The following PSD3 variants were observed in gnomAD, a reference collection of about 807,000 sequenced individuals.
PSD3 encodes pleckstrin and Sec7 domain containing 3, also known as PH and SEC7 domain-containing protein 3.
Under a neutral mutation model 105.5 loss-of-function variants are expected in PSD3, and 49 were observed. The ratio of observed to expected loss-of-function variants is 0.46; its 90% CI spans 0.37 to 0.59. The LOEUF is 0.59. PSD3 is among the 20% of genes least tolerant of loss of function. The probability of loss-of-function intolerance (pLI) is 0.00; values close to 1 mark genes in which losing one functional copy is unlikely to be tolerated. For synonymous variants in PSD3, 557 were observed against 457.8 expected, an observed-to-expected ratio of 1.22 and a Z score of -2.77; for missense variants, 1,561 against 1,263.8, an observed-to-expected ratio of 1.24 and a Z score of -3.57.
intron 10 of PSD3, among the ~76,000 whole-genome samples, chr8:18,652,749 C>A (rs1015514965): frequency 6.6e-6 from 1 of 152,076 alleles, no homozygotes; most frequent in South Asian, 2.1e-4. Context: ...CCAGGCTCCT[C>A]AGCCTCCCAA....
chr8:18,651,004 C>T (rs986419760), intron 10 of PSD3, among the ~76,000 whole-genome samples: 2 of 152,144 alleles, frequency 1.3e-5, no homozygotes, highest in African/African-American at 4.8e-5. Flanking sequence ...CTTAATTTTC[C>T]TCATATATAA....
intron 1 of PSD3, among the ~76,000 whole-genome samples, chr8:18,982,661 G>A (rs1825300033): frequency 6.6e-6 from 1 of 152,218 alleles, no homozygotes; most frequent in Non-Finnish European, 1.5e-5. Context: ...GCTCTTGGGT[G>A]ACTAGGTGCA....
intron 1 of PSD3, among the ~76,000 whole-genome samples, chr8:18,941,718 G>A (rs1442531565): frequency 7.0e-6 from 1 of 142,962 alleles, no homozygotes; most frequent in Non-Finnish European, 1.5e-5. Context: ...TGTCACCCAG[G>A]CTGGAGTGCA....
intron 2 of PSD3, among the ~76,000 whole-genome samples, chr8:18,879,080 A>ACACG (rs1447346488): frequency 1.4e-5 from 2 of 148,036 alleles, no homozygotes; most frequent in African/African-American, 5.0e-5. Flanking sequence ...ACACACACAC[A>ACACG]CACACACGCA....
At chr8:18,693,984 A>T (rs1322678012) in intron 9 of PSD3, among the ~76,000 whole-genome samples, 1 of 152,202 alleles carries the variant, frequency 6.6e-6, no homozygotes, top group African/African-American at 2.4e-5. Flanking sequence ...GGGTAGTAAC[A>T]CTGGACCCTG....
rs1403148605 is a variant in PSD3, at chr8:18,828,065, A to ATT, written c.1635-23168_1635-23167insAA. ...TATATATGTATATATATATATATATATATTTTTTTTTTTTTACAAAAAAAA... is the reference window on the plus strand; with the variant it reads ...TATATATGTATATATATATATATATATTTATTTTTTTTTTTTTACAAAAAAAA... On this transcript the variant is annotated intron_variant, in intron 4 of 15. Transcript: ENST00000327040. Among the ~76,000 whole-genome samples the ATT allele has an allele frequency of 5.2e-4, 54 of 104,618 alleles. 1 individual carries two copies. Among genetic ancestry groups the ATT allele is most frequent in the Admixed American group, 3.9e-3 (34 of 8,694 alleles). 68.6% of individuals were successfully genotyped at this position (104,618 alleles called of 152,430 possible). A position where few individuals can be genotyped will look rare whatever the true frequency, so the allele number is the denominator to read the frequency against.
At chr8:18,630,129 C>G (rs1047383374) in intron 11 of PSD3, among the ~76,000 whole-genome samples, 2 of 151,758 alleles carry the variant, frequency 1.3e-5, no homozygotes, top group African/African-American at 4.8e-5. Context: ...GAGGCAGGAA[C>G]AGAGATAGAA....
chr8:18,933,040 C>T (rs565749822), intron 2 of PSD3, among the ~76,000 whole-genome samples: 31 of 152,320 alleles, frequency 2.0e-4, no homozygotes, highest in African/African-American at 7.2e-4. Context: ...ACCATGTCTT[C>T]CACGTCTTTG....
chr8:18,801,382 C>T lies in PSD3; in HGVS notation c.1911G>A (p.Arg637=). The T allele has an allele frequency of 1.9e-6, 3 of 1,557,000 alleles. No homozygotes were observed. Among genetic ancestry groups the T allele is most frequent in the African/African-American group, 1.4e-5 (1 of 73,022 alleles). Residue 637 remains arginine, a splice_region_variant and synonymous_variant, in exon 7 of 16, where the codon AGG becomes AGA. Transcript: ENST00000327040. ...FTGMTLDQSL[R]YFFKAFSLVG... ...CAAGAGAGAATGCTTTAAAGAAATA[C>T]CTACAAGAGAATTAAAAATTTAAAC...
intron 9 of PSD3, among the ~76,000 whole-genome samples, chr8:18,741,452 G>A (rs1403837738): frequency 1.3e-5 from 2 of 152,164 alleles, no homozygotes; most frequent in Non-Finnish European, 2.9e-5. Flanking sequence ...GTCCATGGGA[G>A]TAGCTTATAT....
chr8:18,809,938 A>G (rs1811552855), intron 4 of PSD3, among the ~76,000 whole-genome samples: 1 of 152,192 alleles, frequency 6.6e-6, no homozygotes, highest in South Asian at 2.1e-4. Flanking sequence ...TACCACCACA[A>G]ATGTGATAAT....
chr8:18,993,425 C>T (rs1340812614), intron 1 of PSD3, among the ~76,000 whole-genome samples: 1 of 149,544 alleles, frequency 6.7e-6, no homozygotes, highest in African/African-American at 2.4e-5. Context: ...TATAGTGGCA[C>T]TGTTTCTGGC....
intron 8 of PSD3, among the ~76,000 whole-genome samples, chr8:18,777,389 TTTAAA>T (rs1177652828): frequency 1.3e-5 from 2 of 152,196 alleles, no homozygotes; most frequent in Non-Finnish European, 2.9e-5. Flanking sequence ...CTGTTGACCT[TTTAAA>T]TTGTTTCTTA....
At chr8:18,734,949 G>T (rs866212855) in intron 9 of PSD3, among the ~76,000 whole-genome samples, 4 of 152,142 alleles carry the variant, frequency 2.6e-5, no homozygotes, top group Non-Finnish European at 4.4e-5. Context: ...AAATTCTACT[G>T]TTAAAGGGAA....
chr8:18,685,199 A>G (rs17695799), intron 9 of PSD3, among the ~76,000 whole-genome samples: 2,497 of 152,290 alleles, frequency 0.016, 55 homozygotes, highest in African/African-American at 0.041. Context: ...CCAATGTTCA[A>G]ATTTTGCAAC....
intron 9 of PSD3, among the ~76,000 whole-genome samples, chr8:18,672,697 T>C (rs1445921698): frequency 6.6e-6 from 1 of 152,232 alleles, no homozygotes; most frequent in East Asian, 1.9e-4. Flanking sequence ...AAGAGACAAC[T>C]GTTTCTCAAG....
At chr8:18,700,515 T>C (rs1199405641) in intron 9 of PSD3, among the ~76,000 whole-genome samples, 4 of 152,190 alleles carry the variant, frequency 2.6e-5, no homozygotes. Flanking sequence ...TCTAATAACC[T>C]GAAAACAATA....
In PSD3 at chr8:19,012,113, C is replaced by G. The variant is rs138342229; in HGVS notation, c.21+1450G>C. Among the ~76,000 whole-genome samples, 694 of 152,298 alleles carry G rather than the reference C, an allele frequency of 4.6e-3. 2 individuals carry two copies. Among genetic ancestry groups the G allele is most frequent in the Non-Finnish European group, 8.1e-3 (550 of 68,034 alleles). ...AAACTCACCCAGTCAGTGGCAAAGC[C>G]TCTAAGCTAGGTGTCCTACCTACAG... On this transcript the variant is annotated intron_variant, in intron 1 of 15. Transcript: ENST00000327040.
chr8:18,917,198 C>T (rs927722367), intron 2 of PSD3, among the ~76,000 whole-genome samples: 1 of 152,184 alleles, frequency 6.6e-6, no homozygotes, highest in African/African-American at 2.4e-5. Context: ...TCTGTATCTC[C>T]ACTGCCTCAG....
Sources: allele counts gnomAD v4.1 joint callset (sites outside exome capture counted in the v4.1 genomes callset), GRCh38; gene constraint gnomAD v4.1.1; transcripts MANE v1.5; gene names NCBI Gene and HGNC (gene_info 2026-07-23, HGNC 2026-07-21).